Variants in NBPF15 observed in about 807,000 individuals in gnomAD.
NBPF15 encodes NBPF family member NBPF15.
A neutral mutation model predicts 62.2 loss-of-function variants in NBPF15; 74 were observed. The observed-to-expected ratio is 1.19, with a 90% CI of 0.99 to 1.44. NBPF15 has a LOEUF of 1.44. Ranked by LOEUF, NBPF15 falls within the 40% of genes most tolerant of loss-of-function variation. The pLI is 0.00. For missense variants in NBPF15, 790 were observed against 550.0 expected (o/e 1.44, Z -4.36); for synonymous variants, 244 against 209.7 (o/e 1.16, Z -1.41).
chr1:144,422,995 C>T lies in NBPF15; in HGVS notation c.*18G>A, dbSNP rs1484955034. On this transcript the variant is annotated 3_prime_UTR_variant, in exon 22 of 22. Transcript: ENST00000581897. ...TCCTGCCTGCAGGAATGACATCTCT[C>T]GGCTTAGTAAGAGCTGCTTATTGTG... 5.8e-4 allele frequency: 942 copies of T among 1,611,622 alleles called. 10 individuals are homozygous for T. The African/African-American group carries it at 9.8e-3, about 17-fold the overall frequency.
chr1:144,443,587 C>G (rs1314108792), intron 6 of NBPF15, among the ~76,000 whole-genome samples: 2 of 151,846 alleles, frequency 1.3e-5, no homozygotes, highest in African/African-American at 2.4e-5. Context: ...ATTTAGCCTT[C>G]TTTAATTTTT....
At chr1:144,423,830 G>A in intron 21 of NBPF15, 40 bp downstream of exon 21, 1 of 762,352 alleles carries the variant, frequency 1.3e-6, no homozygotes, top group South Asian at 1.3e-5. Flanking sequence ...GCCTCCAGGT[G>A]TTAACACAGA....
At chr1:144,455,819 T>A (rs1553546805) in intron 4 of NBPF15, among the ~76,000 whole-genome samples, 1 of 151,754 alleles carries the variant, frequency 6.6e-6, no homozygotes, top group East Asian at 1.9e-4. Context: ...GACCTGAGAT[T>A]TACTCGTTAT....
chr1:144,431,781 TG>T (rs1674550117), intron 13 of NBPF15, among the ~76,000 whole-genome samples: 1 of 137,248 alleles, frequency 7.3e-6, no homozygotes, highest in Non-Finnish European at 1.6e-5. Context: ...CTGAGAATGA[TG>T]GTTTCCAGCT....
chr1:144,445,354 T>TATATATACACACAC (rs1322315552), intron 6 of NBPF15, among the ~76,000 whole-genome samples: 1 of 104,478 alleles, frequency 9.6e-6, no homozygotes, highest in African/African-American at 5.3e-5. Flanking sequence ...TATATATATA[T>TATATATACACACAC]ACACACACAC....
At chr1:144,436,178 G>A (rs1404318618) in intron 10 of NBPF15, among the ~76,000 whole-genome samples, 1 of 152,142 alleles carries the variant, frequency 6.6e-6, no homozygotes, top group South Asian at 2.1e-4. Flanking sequence ...CCAGGCACAG[G>A]CTTGGTGTCC....
intron 14 of NBPF15, among the ~76,000 whole-genome samples, chr1:144,429,468 T>C (rs1391343964): frequency 1.3e-5 from 2 of 150,798 alleles, no homozygotes; most frequent in East Asian, 3.9e-4. Context: ...TGACAGTCAG[T>C]CCAGGTTGGC....
At chr1:144,456,002 C>A (rs587744243) in intron 4 of NBPF15, among the ~76,000 whole-genome samples, 1 of 152,122 alleles carries the variant, frequency 6.6e-6, no homozygotes, top group South Asian at 2.1e-4. Flanking sequence ...CAAAAGTGGC[C>A]TCTCTTTTAA....
intron 6 of NBPF15, among the ~76,000 whole-genome samples, chr1:144,440,819 A>T (rs1571139431): frequency 6.7e-6 from 1 of 149,992 alleles, no homozygotes; most frequent in African/African-American, 2.4e-5. Context: ...CGCCCGGCTA[A>T]TTTTTCTTTT....
chr1:144,429,170 G>A (rs587733715), intron 14 of NBPF15, among the ~76,000 whole-genome samples: 2 of 151,450 alleles, frequency 1.3e-5, no homozygotes, highest in Admixed American at 6.6e-5. Flanking sequence ...AACGTACCAG[G>A]AACATGATGG....
chr1:144,456,392 T>C, intron 4 of NBPF15, 145 bp downstream of exon 4: 1 of 819,250 alleles, frequency 1.2e-6, no homozygotes, highest in Non-Finnish European at 1.5e-6. Context: ...TTCATTCACC[T>C]AACAAATATT....
At chr1:144,457,376 G>A (rs1442152882) in intron 3 of NBPF15, among the ~76,000 whole-genome samples, 2 of 151,874 alleles carry the variant, frequency 1.3e-5, no homozygotes, top group Non-Finnish European at 2.9e-5. Context: ...GCTTTCGCTA[G>A]GTTATGCTAC....
At chr1:144,427,178 C>G (rs1462887295) in intron 16 of NBPF15, 80 bp from the exon 17 acceptor site, 3 of 593,492 alleles carry the variant, frequency 5.1e-6, no homozygotes, top group Non-Finnish European at 8.9e-6. Flanking sequence ...AATCCTCACA[C>G]AGGGACTTCA....
rs1247461590 is a variant in NBPF15 at position 144,458,372 on chromosome 1, G to T, written c.-701+994C>A. 5.9e-5 allele frequency among the ~76,000 whole-genome samples: 9 copies of T among 151,542 alleles called. 1 individual carries two copies. Among genetic ancestry groups the T allele is most frequent in the African/African-American group, 7.3e-5 (3 of 41,202 alleles). ...TAATTCAAGTCACAATGAACATCTA[G>T]CAATCACTGTGAACACCACATACTT... On this transcript the variant is annotated intron_variant, in intron 3 of 21. Transcript: ENST00000581897.
chr1:144,431,040 G>T (rs1673847597), intron 13 of NBPF15, among the ~76,000 whole-genome samples: 7 of 151,842 alleles, frequency 4.6e-5, no homozygotes, highest in Admixed American at 3.9e-4. Flanking sequence ...AGAGTAAAAA[G>T]AAATGAACAA....
intron 4 of NBPF15, among the ~76,000 whole-genome samples, chr1:144,452,591 G>A (rs1406989384): frequency 6.6e-6 from 1 of 150,956 alleles, no homozygotes; most frequent in Non-Finnish European, 1.5e-5. Context: ...GCTGATGGCT[G>A]CACAATTCGA....
intron 16 of NBPF15, 35 bp from the exon 17 acceptor site, chr1:144,427,133 G>A: frequency 5.3e-6 from 3 of 560,764 alleles, no homozygotes; most frequent in Non-Finnish European, 9.4e-6. Flanking sequence ...GACATATTAA[G>A]CTGGTTCTCC....
At chr1:144,423,363 A>T in intron 21 of NBPF15, 107 bp from the exon 22 acceptor site, 1 of 1,600,938 alleles carries the variant, frequency 6.2e-7, no homozygotes, top group Non-Finnish European at 8.5e-7. Context: ...AAGAAAAAGG[A>T]TAGATTCATT....
intron 6 of NBPF15, among the ~76,000 whole-genome samples, chr1:144,447,555 GC>G (rs1299250741): frequency 6.6e-6 from 1 of 151,762 alleles, no homozygotes; most frequent in African/African-American, 2.4e-5. Flanking sequence ...GAAGGGACAA[GC>G]CCCAAGTGGC....
Sources: allele counts gnomAD v4.1 joint callset (sites outside exome capture counted in the v4.1 genomes callset), GRCh38; gene constraint gnomAD v4.1.1; transcripts MANE v1.5; gene names NCBI Gene and HGNC (gene_info 2026-07-23, HGNC 2026-07-21).